DSCAM: variants seen among roughly 807,000 people sequenced by gnomAD.
DSCAM encodes the protein DS cell adhesion molecule.
Under a neutral mutation model 217.7 loss-of-function variants are expected in DSCAM, and 47 were observed. The observed-to-expected ratio is 0.22, with a 90% CI of 0.17 to 0.28. The LOEUF (loss-of-function observed/expected upper bound fraction) is 0.28. DSCAM is among the 10% of genes least tolerant of loss of function. DSCAM has a pLI of 1.00. For synonymous variants in DSCAM, 1,056 were observed against 1,015.3 expected (o/e 1.04, Z -0.76); for missense variants, 2,080 against 2,618.3 (o/e 0.79, Z 4.49).
chr21:40,788,399 G>A (rs2091611687), intron 1 of DSCAM, among the ~76,000 whole-genome samples: 1 of 152,066 alleles, frequency 6.6e-6, no homozygotes, highest in Non-Finnish European at 1.5e-5. Context: ...TTTTTTTAAT[G>A]AGAAAAATAA....
chr21:40,840,837 AAG>A (rs2092095458), intron 1 of DSCAM, among the ~76,000 whole-genome samples: 1 of 152,208 alleles, frequency 6.6e-6, no homozygotes, highest in South Asian at 2.1e-4. Context: ...CTAGAGGCAG[AAG>A]AGAGAGGTGG....
chr21:40,519,838 C>T (rs1045644792), intron 3 of DSCAM, among the ~76,000 whole-genome samples: 9 of 145,244 alleles, frequency 6.2e-5, no homozygotes, highest in African/African-American at 2.3e-4. Flanking sequence ...CTCTCTCACT[C>T]TCTCTCTCTC....
intron 27 of DSCAM, among the ~76,000 whole-genome samples, chr21:40,071,840 G>A (rs1199770799): frequency 1.3e-5 from 2 of 152,186 alleles, no homozygotes; most frequent in African/African-American, 2.4e-5. Flanking sequence ...TAATAGACAG[G>A]CACCTATTCC....
chr21:40,790,567 G>A (rs1463028491), intron 1 of DSCAM, among the ~76,000 whole-genome samples: 7 of 152,248 alleles, frequency 4.6e-5, no homozygotes, highest in Non-Finnish European at 7.4e-5. Flanking sequence ...GAAATTTAAA[G>A]AACACTCTAT....
At chr21:40,646,410 C>CAAA (rs112111569) in intron 3 of DSCAM, among the ~76,000 whole-genome samples, 1 of 129,082 alleles carries the variant, frequency 7.7e-6, no homozygotes. Flanking sequence ...GAGACTCTGT[C>CAAA]AAAAAAAAAA....
At chr21:40,663,958 AAAAT>A (rs1164288260) in intron 3 of DSCAM, among the ~76,000 whole-genome samples, 2 of 152,366 alleles carry the variant, frequency 1.3e-5, no homozygotes, top group African/African-American at 2.4e-5. Flanking sequence ...TTATAGATGC[AAAAT>A]AAATAAAATT....
intron 9 of DSCAM, among the ~76,000 whole-genome samples, chr21:40,305,525 T>A (rs1248580089): frequency 1.3e-5 from 2 of 152,208 alleles, no homozygotes. Context: ...CATGCCTATG[T>A]CCTAAATGGT....
chr21:40,483,484 T>C (rs1278857464), intron 3 of DSCAM, among the ~76,000 whole-genome samples: 1 of 152,240 alleles, frequency 6.6e-6, no homozygotes, highest in Non-Finnish European at 1.5e-5. Context: ...ATGGGAATTA[T>C]ATCTTTAATA....
At chr21:40,357,455 C>G (rs1020099318) in intron 4 of DSCAM, among the ~76,000 whole-genome samples, 10 of 152,146 alleles carry the variant, frequency 6.6e-5, no homozygotes, top group Non-Finnish European at 1.5e-4. Context: ...CTAGAAGACA[C>G]AAAGTTGTGC....
At chr21:40,243,266 AAT>A (rs1272279729) in intron 11 of DSCAM, among the ~76,000 whole-genome samples, 1 of 152,244 alleles carries the variant, frequency 6.6e-6, no homozygotes, top group Non-Finnish European at 1.5e-5. Context: ...GGAAAAAAAT[AAT>A]AAAGTGATTT....
intron 11 of DSCAM, among the ~76,000 whole-genome samples, chr21:40,221,894 A>C (rs2091292215): frequency 6.6e-6 from 1 of 152,214 alleles, no homozygotes; most frequent in Non-Finnish European, 1.5e-5. Context: ...AGAATGGCAG[A>C]AACATACAAA....
chr21:40,363,249 G>GTTT (rs1601587664), intron 4 of DSCAM, among the ~76,000 whole-genome samples: 1 of 99,720 alleles, frequency 1.0e-5, no homozygotes, highest in African/African-American at 3.9e-5. Context: ...AGTTTTTTGT[G>GTTT]TTCTTTTTTT....
At chr21:40,817,483 G>A (rs1302010164) in intron 1 of DSCAM, among the ~76,000 whole-genome samples, 1 of 152,196 alleles carries the variant, frequency 6.6e-6, no homozygotes, top group Non-Finnish European at 1.5e-5. Flanking sequence ...AGAAGAATAT[G>A]ACATCACAGG....
chr21:40,735,280 T>G (rs1369960793), intron 1 of DSCAM, among the ~76,000 whole-genome samples: 1 of 152,178 alleles, frequency 6.6e-6, no homozygotes, highest in Non-Finnish European at 1.5e-5. Flanking sequence ...TGAATTAAAT[T>G]CCATTCAAAA....
intron 3 of DSCAM, among the ~76,000 whole-genome samples, chr21:40,374,873 A>G (rs1035334626): frequency 7.9e-5 from 12 of 152,192 alleles, no homozygotes; most frequent in African/African-American, 2.9e-4. Context: ...CCCAGCCTCC[A>G]GAACAGTGAG....
chr21:40,559,790 T>C (rs2076703818), intron 3 of DSCAM, among the ~76,000 whole-genome samples: 1 of 142,064 alleles, frequency 7.0e-6, no homozygotes, highest in South Asian at 2.2e-4. Context: ...TTCTGTCTTT[T>C]TTTTTTTTTT....
intron 3 of DSCAM, among the ~76,000 whole-genome samples, chr21:40,609,680 A>AGGAC (rs762719100): frequency 3.0e-4 from 46 of 152,362 alleles, no homozygotes; most frequent in Admixed American, 9.8e-4. Flanking sequence ...GAGCATTGTT[A>AGGAC]GGACTGAATT....
intron 3 of DSCAM, among the ~76,000 whole-genome samples, chr21:40,504,578 G>C (rs891933565): frequency 4.6e-5 from 7 of 152,206 alleles, no homozygotes; most frequent in East Asian, 3.9e-4. Flanking sequence ...AAAAAAAGAA[G>C]AACAACAGAA....
At chr21:40,675,851 CAA>C (rs997325044) in intron 3 of DSCAM, among the ~76,000 whole-genome samples, 2 of 152,206 alleles carry the variant, frequency 1.3e-5, no homozygotes, top group African/African-American at 4.8e-5. Context: ...ACTAACCCTT[CAA>C]AAGAGAAATA....
Sources: gnomAD v4.1 joint callset for allele counts (sites outside exome capture counted in the v4.1 genomes callset) on GRCh38, gnomAD v4.1.1 for gene constraint, MANE v1.5 for transcripts, NCBI Gene and HGNC (gene_info 2026-07-23, HGNC 2026-07-21) for gene names.